The following CDH12 variants were observed in gnomAD, a reference collection of about 807,000 sequenced individuals.
CDH12 encodes cadherin 12.
Under a neutral mutation model 74.1 loss-of-function variants are expected in CDH12, and 41 were observed. The observed-to-expected ratio is 0.55, with a 90% CI of 0.43 to 0.72. CDH12 has a LOEUF of 0.72. Among genes scored for constraint, CDH12 ranks in the 30% least tolerant of loss-of-function variants. The pLI, the probability that CDH12 is intolerant of heterozygous loss-of-function variation, is 0.00. For synonymous variants in CDH12, 399 were observed against 355.0 expected, an observed-to-expected ratio of 1.12 and a Z score of -1.39; for missense variants, 945 against 977.2, an observed-to-expected ratio of 0.97 and a Z score of 0.44.
At chr5:22,189,125 T>C (rs1206925725) in intron 4 of CDH12, among the ~76,000 whole-genome samples, 1 of 134,722 alleles carries the variant, frequency 7.4e-6, no homozygotes, top group Non-Finnish European at 1.7e-5. Flanking sequence ...TTCCTGTAAA[T>C]TAACATTTTC....
At chr5:22,522,189 ATAG>A (rs1737083663) in intron 1 of CDH12, among the ~76,000 whole-genome samples, 1 of 152,210 alleles carries the variant, frequency 6.6e-6, no homozygotes, top group Non-Finnish European at 1.5e-5. Context: ...TAGGTAAACT[ATAG>A]TTAGTATGGT....
Position 21,755,805 on chromosome 5 carries a change from GTATCCA to G in CDH12, c.1665_1670del (p.Gly556_Tyr557del). The G allele has an allele frequency of 6.2e-7, 1 of 1,613,926 alleles. No individual in the cohort carries two copies. Among genetic ancestry groups the G allele is most frequent in the Non-Finnish European group, 8.5e-7 (1 of 1,179,874 alleles). The stretch of plus-strand genomic sequence containing the variant: ...AATACAACTCTTGCTGCCTGCGGCT[GTATCCA>G]TTTCTTCGGGTTTCAATCCCCGCTG... On this transcript the variant is annotated inframe_deletion, in exon 14 of 15. Coordinates refer to ENST00000382254, the MANE Select transcript of CDH12 (RefSeq NM_004061.5).
chr5:22,117,485 T>TA lies in CDH12; in HGVS notation c.-186-38624dup, dbSNP rs1561128963. Among the ~76,000 whole-genome samples, 228 of 48,380 alleles carry TA rather than the reference T, an allele frequency of 4.7e-3. 1 individual carries two copies. Among genetic ancestry groups the TA allele is most frequent in the African/African-American group, 0.018 (224 of 12,668 alleles). The allele number at this position is 48,380 out of a possible 152,430, so 31.7% of individuals were successfully genotyped here. A position where few individuals can be genotyped will look rare whatever the true frequency, so the allele number is the denominator to read the frequency against. ...ATATATATAATATATATATTATATATATATTATATATATATAATATATATA... is the reference window on the plus strand; with the variant it reads ...ATATATATAATATATATATTATATATAATATTATATATATATAATATATATA... On this transcript the variant is annotated intron_variant, in intron 4 of 14. Coordinates refer to ENST00000382254, the MANE Select transcript of CDH12 (RefSeq NM_004061.5).
chr5:21,967,013 A>G (rs561908727), intron 6 of CDH12, among the ~76,000 whole-genome samples: 42 of 152,160 alleles, frequency 2.8e-4, no homozygotes, highest in African/African-American at 9.4e-4. Context: ...TTTCACCTGA[A>G]TCAGTGGGTA....
rs532586172 is a variant in CDH12, at chr5:22,007,670, G to A, written c.232-32285C>T. ...GTTAGGTTGAGAAATGTAAATAAAT[G>A]TATAGAGATGCAAACCGAAAATAAC... On this transcript the variant is annotated intron_variant, in intron 5 of 14. Transcript: ENST00000382254. Among the ~76,000 whole-genome samples, 5 of 152,268 alleles carry A rather than the reference G, an allele frequency of 3.3e-5. No individual in the cohort carries two copies. In the South Asian group the frequency reaches 1.0e-3, roughly 32 times the overall value.
At chr5:21,770,662 A>G (rs531079203) in intron 11 of CDH12, among the ~76,000 whole-genome samples, 1 of 152,204 alleles carries the variant, frequency 6.6e-6, no homozygotes, top group South Asian at 2.1e-4. Context: ...TGATTTCTCA[A>G]AGAACTTACA....
At chr5:22,288,521 C>T (rs973504441) in intron 3 of CDH12, among the ~76,000 whole-genome samples, 1 of 152,000 alleles carries the variant, frequency 6.6e-6, no homozygotes, top group African/African-American at 2.4e-5. Context: ...TCTATTTTAT[C>T]TTTATTATTA....
At chr5:22,796,505 A>ATTT (rs1408378132) in intron 1 of CDH12, among the ~76,000 whole-genome samples, 1 of 131,962 alleles carries the variant, frequency 7.6e-6, no homozygotes, top group Non-Finnish European at 1.6e-5. Flanking sequence ...TTCTGTTCAG[A>ATTT]TTTTTTATCT....
chr5:22,110,977 A>T (rs909556174), intron 4 of CDH12, among the ~76,000 whole-genome samples: 1 of 152,194 alleles, frequency 6.6e-6, no homozygotes, highest in Non-Finnish European at 1.5e-5. Flanking sequence ...CCTCACTGCC[A>T]TAATTTTCTC....
chr5:22,418,253 T>C (rs1415352630), intron 2 of CDH12, among the ~76,000 whole-genome samples: 1 of 147,988 alleles, frequency 6.8e-6, no homozygotes, highest in Admixed American at 6.7e-5. Flanking sequence ...TGTTTGTCTA[T>C]TATTGGTGTA....
At chr5:22,378,082 T>A (rs1015327996) in intron 3 of CDH12, among the ~76,000 whole-genome samples, 4 of 152,158 alleles carry the variant, frequency 2.6e-5, no homozygotes, top group African/African-American at 9.7e-5. Flanking sequence ...AATAACATTA[T>A]TTAATTTTAC....
chr5:22,030,123 G>T (rs1171566882), intron 5 of CDH12, among the ~76,000 whole-genome samples: 1 of 150,520 alleles, frequency 6.6e-6, no homozygotes, highest in Non-Finnish European at 1.5e-5. Flanking sequence ...TGGGGTGGGG[G>T]GGAGGGGGGA....
chr5:22,546,037 C>T (rs1005803362), intron 1 of CDH12, among the ~76,000 whole-genome samples: 5 of 151,992 alleles, frequency 3.3e-5, no homozygotes, highest in Non-Finnish European at 5.9e-5. Flanking sequence ...CCCTGCCTCC[C>T]TGGTTCAGGC....
chr5:22,752,643 C>A (rs1396577114), intron 1 of CDH12, among the ~76,000 whole-genome samples: 1 of 44,082 alleles, frequency 2.3e-5, no homozygotes, highest in Admixed American at 2.1e-4. Context: ...GAGATCTCCT[C>A]TCACTGCAAG....
chr5:22,823,882 A>T (rs567241047), intron 1 of CDH12, among the ~76,000 whole-genome samples: 33 of 152,252 alleles, frequency 2.2e-4, no homozygotes, highest in African/African-American at 7.5e-4. Flanking sequence ...CATCAATTAA[A>T]TCTCTTTTCT....
chr5:22,620,720 C>A (rs920575780), intron 1 of CDH12, among the ~76,000 whole-genome samples: 7 of 151,986 alleles, frequency 4.6e-5, no homozygotes, highest in African/African-American at 1.7e-4. Flanking sequence ...GTCATATAGA[C>A]CACATTACTG....
At chr5:22,663,766 C>A (rs1250521699) in intron 1 of CDH12, among the ~76,000 whole-genome samples, 1 of 152,028 alleles carries the variant, frequency 6.6e-6, no homozygotes, top group East Asian at 1.9e-4. Context: ...GTGTTCATTT[C>A]ATTTATGCAG....
At chr5:21,912,195 T>G (rs1425813726) in intron 6 of CDH12, among the ~76,000 whole-genome samples, 1 of 152,164 alleles carries the variant, frequency 6.6e-6, no homozygotes, top group Admixed American at 6.5e-5. Context: ...ACTTTTGATC[T>G]TAGTAAATAG....
chr5:22,046,819 C>T (rs1370544486), intron 5 of CDH12, among the ~76,000 whole-genome samples: 1 of 151,984 alleles, frequency 6.6e-6, no homozygotes, highest in East Asian at 1.9e-4. Context: ...AAGTGCTTTC[C>T]TTTTGGAAAT....
Sources: allele counts gnomAD v4.1 joint callset (sites outside exome capture counted in the v4.1 genomes callset), GRCh38; gene constraint gnomAD v4.1.1; transcripts MANE v1.5; gene names NCBI Gene and HGNC (gene_info 2026-07-23, HGNC 2026-07-21).